CRISPLD1: variants seen among roughly 807,000 people sequenced by gnomAD.
The protein encoded by CRISPLD1 is cysteine rich secretory protein LCCL domain containing 1.
Under a neutral mutation model 77.5 loss-of-function variants are expected in CRISPLD1, and 60 were observed. The observed-to-expected ratio is 0.77, with a 90% CI of 0.63 to 0.96. The LOEUF is 0.96. Among genes scored for constraint, CRISPLD1 ranks in the 40% least tolerant of loss-of-function variants. The pLI, the probability that CRISPLD1 is intolerant of heterozygous loss-of-function variation, is 0.00. For missense variants in CRISPLD1, 623 were observed against 615.8 expected, an observed-to-expected ratio of 1.01 and a Z score of -0.12; for synonymous variants, 195 against 200.1, an observed-to-expected ratio of 0.97 and a Z score of 0.22.
intron 2 of CRISPLD1, among the ~76,000 whole-genome samples, chr8:74,996,783 A>G (rs745905169): frequency 2.1e-5 from 3 of 141,848 alleles, no homozygotes; most frequent in Admixed American, 1.5e-4. Flanking sequence ...CAGTGGCGCA[A>G]TGATGGCTCA....
At chr8:74,997,297 G>T (rs1340365250) in intron 2 of CRISPLD1, among the ~76,000 whole-genome samples, 1 of 152,136 alleles carries the variant, frequency 6.6e-6, no homozygotes, top group African/African-American at 2.4e-5. Context: ...ATGTTCTGAT[G>T]GGATTCCCGA....
intron 2 of CRISPLD1, among the ~76,000 whole-genome samples, chr8:75,003,053 A>G (rs1812772407): frequency 1.3e-5 from 2 of 152,238 alleles, no homozygotes; most frequent in South Asian, 2.1e-4. Context: ...ATGGCATTCA[A>G]GGAAAACAGG....
intron 2 of CRISPLD1, among the ~76,000 whole-genome samples, chr8:74,987,647 A>G (rs969451725): frequency 1.1e-4 from 16 of 152,284 alleles, no homozygotes; most frequent in African/African-American, 3.4e-4. Flanking sequence ...TGCTTCTTGT[A>G]TAGTGTTTGT....
chr8:75,003,068 C>A (rs1466416482), intron 2 of CRISPLD1, among the ~76,000 whole-genome samples: 2 of 152,106 alleles, frequency 1.3e-5, no homozygotes, highest in Non-Finnish European at 2.9e-5. Flanking sequence ...AACAGGAAAC[C>A]GTATGTTGTT....
intron 4 of CRISPLD1, among the ~76,000 whole-genome samples, chr8:75,013,300 A>G (rs574778499): frequency 6.6e-6 from 1 of 152,124 alleles, no homozygotes; most frequent in Non-Finnish European, 1.5e-5. Flanking sequence ...GAAATTTACC[A>G]TCTTCAATGT....
chr8:75,013,002 G>A lies in CRISPLD1; in HGVS notation c.490G>A (p.Val164Ile), dbSNP rs1465920678. The A allele has an allele frequency of 2.5e-6, 4 of 1,610,468 alleles. No individual in the cohort carries two copies. The African/African-American group carries it at 4.0e-5, about 16-fold the overall frequency. ...PYCPFRCSGP[V>I]CTHYTQVVWA... ...TTGTCCATTCAGGTGTTCTGGCCCT[G>A]TATGTACACATTATACACAGGTATG... The change falls in exon 4 of 15, where the codon GTA becomes ATA. Residue 164 changes from valine to isoleucine, a missense_variant. Val to Ile is a conservative substitution (Grantham distance 29). Transcript: ENST00000262207.
intron 2 of CRISPLD1, among the ~76,000 whole-genome samples, chr8:74,988,587 A>G (rs1812528906): frequency 6.6e-6 from 1 of 152,136 alleles, no homozygotes; most frequent in South Asian, 2.1e-4. Flanking sequence ...TGTAATTCCA[A>G]CACTTGGAGG....
intron 4 of CRISPLD1, 23 bp downstream of exon 4, chr8:75,013,045 T>C: frequency 6.7e-7 from 1 of 1,490,224 alleles, no homozygotes; most frequent in Non-Finnish European, 9.0e-7. Flanking sequence ...GGTATTATAC[T>C]TAATTCCCCC....
At chr8:75,006,171 C>A (rs935911239) in intron 2 of CRISPLD1, among the ~76,000 whole-genome samples, 2 of 152,068 alleles carry the variant, frequency 1.3e-5, no homozygotes, top group African/African-American at 4.8e-5. Context: ...TGAGAGCATG[C>A]AGTATTTGAC....
intron 6 of CRISPLD1, among the ~76,000 whole-genome samples, chr8:75,015,572 C>T (rs1284706642): frequency 6.6e-6 from 1 of 152,082 alleles, no homozygotes; most frequent in Non-Finnish European, 1.5e-5. Flanking sequence ...TTTTTACTGC[C>T]TTGTACTTTT....
At position 74,986,073 on chromosome 8, in the gene CRISPLD1, C is replaced by A. The variant is rs868463412; in HGVS notation, c.86C>A (p.Ala29Asp). The A allele has an allele frequency of 6.2e-7, 1 of 1,613,908 alleles. No individual in the cohort carries two copies. The highest frequency in any genetic ancestry group is 1.1e-5 in the South Asian group (1 of 91,072). Residue 29 changes from alanine to aspartate, a missense_variant, in exon 2 of 15, where the codon GCC becomes GAC. Coordinates refer to ENST00000262207, the MANE Select transcript of CRISPLD1 (RefSeq NM_031461.6). ...RAIPAMVVPN[A>D]TLLEKLLEKY... is the part of the protein sequence containing the mutation. The stretch of plus-strand genomic sequence containing the variant: ...ATTCCAGCCATGGTGGTTCCCAATG[C>A]CACTTTATTGGAGAAACTTTTGGAA...
rs748091694 is a variant in CRISPLD1, at chr8:75,017,454, A to G, written c.1127+4A>G. On this transcript the variant is annotated splice_donor_region_variant and intron_variant, in intron 10 of 14. Coordinates refer to ENST00000262207, the MANE Select transcript of CRISPLD1 (RefSeq NM_031461.6). Reference sequence around the variant, plus strand: ...GAAATGGTATTCAAACAATTGGGTAAGTACCAAAATAATCTTTTGGACCAG... The same window carrying G: ...GAAATGGTATTCAAACAATTGGGTAGGTACCAAAATAATCTTTTGGACCAG... The G allele has an allele frequency of 1.9e-6, 3 of 1,593,430 alleles. No homozygotes were observed. Among genetic ancestry groups the G allele is most frequent in the Non-Finnish European group, 2.6e-6 (3 of 1,173,602 alleles).
At chr8:75,010,561 G>A (rs1447578866) in intron 2 of CRISPLD1, among the ~76,000 whole-genome samples, 1 of 151,906 alleles carries the variant, frequency 6.6e-6, no homozygotes, top group African/African-American at 2.4e-5. Flanking sequence ...ACCCATCATT[G>A]ATCTGAAGTT....
At chr8:75,018,262 C>CTT (rs140563649) in intron 10 of CRISPLD1, among the ~76,000 whole-genome samples, 31 of 148,366 alleles carry the variant, frequency 2.1e-4, no homozygotes, top group South Asian at 2.1e-4. Context: ...CCTATACAGT[C>CTT]TTTTTTTTTT....
chr8:74,999,322 T>C (rs1329611314), intron 2 of CRISPLD1, among the ~76,000 whole-genome samples: 1 of 152,206 alleles, frequency 6.6e-6, no homozygotes, highest in Admixed American at 6.5e-5. Context: ...CCATGCATGC[T>C]TTATATTTTA....
rs1157907880 is a variant in CRISPLD1 at position 75,029,318 on chromosome 8, TAGA to T, written c.1321-64_1321-62del. On this transcript the variant is annotated intron_variant, in intron 13 of 14. Coordinates refer to ENST00000262207, the MANE Select transcript of CRISPLD1 (RefSeq NM_031461.6). The stretch of plus-strand genomic sequence containing the variant: ...GTCAGCGACTTCAGTCTATTAATAA[TAGA>T]AGAATAGGCTGGACAAGTCCAGCAG... The T allele has an allele frequency of 4.0e-6, 6 of 1,498,496 alleles. No individual in the cohort carries two copies. The Admixed American group carries it at 1.1e-4, about 26-fold the overall frequency. The allele number at this position is 1,498,496 out of a possible 1,614,324, so 92.8% of individuals were successfully genotyped here. A position where few individuals can be genotyped will look rare whatever the true frequency, so the allele number is the denominator to read the frequency against.
At chr8:74,995,629 T>G (rs1333400645) in intron 2 of CRISPLD1, among the ~76,000 whole-genome samples, 1 of 152,168 alleles carries the variant, frequency 6.6e-6, no homozygotes, top group Non-Finnish European at 1.5e-5. Flanking sequence ...AATGTGCCAC[T>G]AGGCCCAGCT....
In CRISPLD1 at chr8:75,029,476, G is replaced by C; in HGVS notation, c.1410G>C (p.Lys470Asn). ...YVDVMPVDKR[K>N]TYIASFQNGI... ...ATGTAATGCCTGTGGACAAAAGAAA[G>C]ACCTACATTGCTTCTTTTCAGAATG... The change falls in exon 14 of 15, where the codon AAG becomes AAC. Residue 470 changes from lysine to asparagine, a missense_variant. Physicochemically the swap from Lys to Asn is moderately conservative, Grantham distance 94. Coordinates refer to ENST00000262207, the MANE Select transcript of CRISPLD1 (RefSeq NM_031461.6). The C allele has an allele frequency of 6.2e-7, 1 of 1,613,726 alleles. No individual in the cohort carries two copies. Among genetic ancestry groups the C allele is most frequent in the Non-Finnish European group, 8.5e-7 (1 of 1,179,736 alleles).
intron 2 of CRISPLD1, among the ~76,000 whole-genome samples, chr8:74,989,378 A>AG (rs1005636026): frequency 6.6e-6 from 1 of 152,162 alleles, no homozygotes; most frequent in African/African-American, 2.4e-5. Flanking sequence ...TAGATTTTGG[A>AG]GGAAAAAATA....
Sources: allele counts gnomAD v4.1 joint callset (sites outside exome capture counted in the v4.1 genomes callset), GRCh38; gene constraint gnomAD v4.1.1; transcripts MANE v1.5; gene names NCBI Gene and HGNC (gene_info 2026-07-23, HGNC 2026-07-21).